ZNF813: variants seen among roughly 807,000 people sequenced by gnomAD.
ZNF813 encodes zinc finger protein 813.
ZNF813 carries 3 observed loss-of-function variants against 7.2 expected under a neutral mutation model. That is an observed-to-expected ratio of 0.42 (90% confidence interval 0.19 to 1.08). The LOEUF (loss-of-function observed/expected upper bound fraction) is 1.08. Among genes scored for constraint, ZNF813 ranks in the 50% least tolerant of loss-of-function variants. The probability of loss-of-function intolerance (pLI) is 0.30; values close to 1 mark genes in which losing one functional copy is unlikely to be tolerated. For missense variants in ZNF813, 714 were observed against 753.3 expected, an observed-to-expected ratio of 0.95 and a Z score of 0.61; for synonymous variants, 227 against 256.3, an observed-to-expected ratio of 0.89 and a Z score of 1.09.
intron 1 of ZNF813, among the ~76,000 whole-genome samples, chr19:53,468,223 C>CA (rs767753727): frequency 2.9e-5 from 2 of 69,426 alleles, no homozygotes; most frequent in African/African-American, 7.6e-5. Context: ...CCTCGCGCCC[C>CA]CCCCCCCCCA....
At chr19:53,468,527 T>C (rs568763183) in intron 1 of ZNF813, among the ~76,000 whole-genome samples, 1 of 152,324 alleles carries the variant, frequency 6.6e-6, no homozygotes, top group South Asian at 2.1e-4. Context: ...TCATTATTTT[T>C]ACTGTCCTAG....
chr19:53,477,981 A>G (rs2086389619), intron 1 of ZNF813, among the ~76,000 whole-genome samples: 1 of 152,108 alleles, frequency 6.6e-6, no homozygotes, highest in Non-Finnish European at 1.5e-5. Context: ...TCCTATCTAT[A>G]AGGCATGTAC....
At chr19:53,481,273 A>G (rs2147158384) in intron 1 of ZNF813, among the ~76,000 whole-genome samples, 1 of 150,288 alleles carries the variant, frequency 6.7e-6, no homozygotes, top group Middle Eastern at 3.5e-3. Context: ...TTTTTATATT[A>G]TGTCAGACTA....
At chr19:53,467,815 G>T (rs938447368) in intron 1 of ZNF813, 26 bp downstream of exon 1, 3 of 157,372 alleles carry the variant, frequency 1.9e-5, no homozygotes, top group South Asian at 1.7e-4. Context: ...TGTTGTATTA[G>T]GTCTGCACTT....
intron 1 of ZNF813, among the ~76,000 whole-genome samples, chr19:53,478,860 T>A (rs2086393906): frequency 6.6e-6 from 1 of 151,752 alleles, no homozygotes; most frequent in Non-Finnish European, 1.5e-5. Context: ...TGTAATAGAT[T>A]TACTTTATTT....
chr19:53,483,652 T>A (rs2147159714), intron 1 of ZNF813, 98 bp from the exon 2 acceptor site: 1 of 1,236,528 alleles, frequency 8.1e-7, no homozygotes, highest in African/African-American at 1.5e-5. Flanking sequence ...TAGGGGACCG[T>A]ATTTCCTCAG....
intron 1 of ZNF813, among the ~76,000 whole-genome samples, chr19:53,475,747 G>C (rs1264408527): frequency 1.3e-5 from 2 of 152,200 alleles, no homozygotes; most frequent in African/African-American, 4.8e-5. Flanking sequence ...CTGGTTGTTT[G>C]GATAAATGTG....
In ZNF813 at chr19:53,489,084, G is replaced by T. The variant is rs561294951; in HGVS notation, c.143-1291G>T. On this transcript the variant is annotated intron_variant, in intron 3 of 3. Coordinates refer to ENST00000396403, the MANE Select transcript of ZNF813 (RefSeq NM_001004301.4). ...TGCAATGGCGTGATCTTGGCTCGCT[G>T]CAACCTCTGCCTCCTGGGTTCAAGT... 4.2e-4 allele frequency among the ~76,000 whole-genome samples: 64 copies of T among 151,956 alleles called. 1 individual carries two copies. The highest frequency in any genetic ancestry group is 7.5e-4 in the Non-Finnish European group (51 of 67,980).
chr19:53,476,491 C>G (rs1000524330), intron 1 of ZNF813, among the ~76,000 whole-genome samples: 1 of 151,880 alleles, frequency 6.6e-6, no homozygotes, highest in Non-Finnish European at 1.5e-5. Context: ...TGGCCACATG[C>G]GGTGGCTGGC....
chr19:53,473,375 T>C (rs1295757860), intron 1 of ZNF813, among the ~76,000 whole-genome samples: 1 of 152,142 alleles, frequency 6.6e-6, no homozygotes, highest in Admixed American at 6.5e-5. Context: ...CCCTCCAGCT[T>C]CAGCTGTGCA....
At chr19:53,479,831 C>G in intron 1 of ZNF813, 4 of 1,119,530 alleles carry the variant, frequency 3.6e-6, no homozygotes, top group African/African-American at 1.5e-5. Context: ...GCAGATCAGA[C>G]TGATGGACCA....
intron 1 of ZNF813, among the ~76,000 whole-genome samples, chr19:53,468,466 A>G (rs2086339489): frequency 6.6e-6 from 1 of 152,186 alleles, no homozygotes; most frequent in South Asian, 2.1e-4. Flanking sequence ...CGCTCAGCAT[A>G]CGGAGGACCG....
At chr19:53,480,515 T>C (rs1467176183) in intron 1 of ZNF813, among the ~76,000 whole-genome samples, 1 of 152,198 alleles carries the variant, frequency 6.6e-6, no homozygotes, top group Non-Finnish European at 1.5e-5. Context: ...TTCTAAATAG[T>C]TTCTGTTTGA....
Position 53,491,598 on chromosome 19 carries a change from A to G in ZNF813, c.1366A>G (p.Ile456Val). Reference sequence around the variant, plus strand: ...GTTCAGTCGAAATTCAGCCCTTGTAATTCATAAGGCTATTCATATTGGAGA... The same window carrying G: ...GTTCAGTCGAAATTCAGCCCTTGTAGTTCATAAGGCTATTCATATTGGAGA... ...KTFSRNSALV[I>V]HKAIHIGEKR... The change falls in exon 4 of 4, where the codon ATT becomes GTT. Residue 456 changes from isoleucine (I) to valine (V), a missense_variant. By Grantham distance (29) the Ile-to-Val change is conservative. This residue lies in a region of ZNF813 where 563 missense variants were observed against 554.2 expected (regional missense o/e 1.02). Coordinates refer to ENST00000396403, the MANE Select transcript of ZNF813 (RefSeq NM_001004301.4). The G allele has an allele frequency of 6.2e-7, 1 of 1,613,028 alleles. No individual in the cohort carries two copies. Among genetic ancestry groups the G allele is most frequent in the Non-Finnish European group, 8.5e-7 (1 of 1,179,528 alleles).
At chr19:53,483,942 T>G in intron 2 of ZNF813, 105 bp downstream of exon 2, 1 of 1,597,950 alleles carries the variant, frequency 6.3e-7, no homozygotes, top group Non-Finnish European at 8.6e-7. Flanking sequence ...GCCTGACAGG[T>G]TTGCTCACAT....
chr19:53,471,729 G>A (rs1053229538), intron 1 of ZNF813, among the ~76,000 whole-genome samples: 34 of 147,734 alleles, frequency 2.3e-4, no homozygotes, highest in Non-Finnish European at 4.3e-4. Context: ...GGAGAATGGC[G>A]TGAACTTGGG....
chr19:53,472,041 C>G (rs1452460856), intron 1 of ZNF813, among the ~76,000 whole-genome samples: 5 of 152,030 alleles, frequency 3.3e-5, no homozygotes, highest in Non-Finnish European at 5.9e-5. Flanking sequence ...AGTCTGCATG[C>G]TTATGGAATG....
chr19:53,481,676 T>G (rs896162873), intron 1 of ZNF813, among the ~76,000 whole-genome samples: 1 of 152,170 alleles, frequency 6.6e-6, no homozygotes, highest in Admixed American at 6.5e-5. Context: ...TGAAAAACTT[T>G]GCTTATGTCT....
chr19:53,474,407 G>A (rs1270566778), intron 1 of ZNF813, among the ~76,000 whole-genome samples: 2 of 151,986 alleles, frequency 1.3e-5, no homozygotes. Context: ...GCACTTTCGT[G>A]GCCGGGCGCG....
Sources: gnomAD v4.1 joint callset for allele counts (sites outside exome capture counted in the v4.1 genomes callset) on GRCh38, gnomAD v4.1.1 for gene constraint, gnomAD v4.1.1 regional missense constraint, MANE v1.5 for transcripts, NCBI Gene and HGNC (gene_info 2026-07-23, HGNC 2026-07-21) for gene names.